Variants in OR8H2 observed in about 807,000 individuals in gnomAD.
OR8H2 encodes olfactory receptor family 8 subfamily H member 2.
For synonymous variants in OR8H2, 157 were observed against 139.2 expected (o/e 1.13, Z -0.90); for missense variants, 374 against 371.1 (o/e 1.01, Z -0.06).
rs1854054614 is a variant in OR8H2 at position 56,106,245 on chromosome 11, A to G, written c.*264A>G. The G allele has an allele frequency of 4.0e-6, 1 of 248,204 alleles. No homozygotes were observed. The highest frequency in any genetic ancestry group is 7.6e-6 in the Non-Finnish European group (1 of 131,208). 15.4% of individuals were successfully genotyped at this position (248,204 alleles called of 1,614,324 possible). On this transcript the variant is annotated 3_prime_UTR_variant, in exon 2 of 2. Transcript: ENST00000313503. ...TGAAGCAACTGATGTGGAAAATAAG[A>G]AAATATGGTTGTCATTTTTAATTAT...
chr11:56,104,858 GT>G lies in OR8H2; in HGVS notation c.-171-8del, dbSNP rs1225750169. The G allele has an allele frequency of 9.6e-6, 4 of 417,744 alleles. No homozygotes were observed. Among genetic ancestry groups the G allele is most frequent in the Non-Finnish European group, 1.7e-5 (4 of 238,988 alleles). 25.9% of individuals were successfully genotyped at this position (417,744 alleles called of 1,614,324 possible). On this transcript the variant is annotated splice_polypyrimidine_tract_variant and intron_variant, in intron 1 of 1. Coordinates refer to ENST00000313503, the MANE Select transcript of OR8H2 (RefSeq NM_001386064.1). ...GAAAGTTTTTTTTTGTTTGTTTTTT[GT>G]TTTTTGAGTCAGAGTCTGGCACAGT...
At position 56,106,051 on chromosome 11, in the gene OR8H2, C is replaced by A; in HGVS notation, c.*70C>A. 3 of 991,786 alleles carry A rather than the reference C, an allele frequency of 3.0e-6. No homozygotes were observed. The highest frequency in any genetic ancestry group is 1.7e-5 in the South Asian group (1 of 59,294). 61.4% of individuals were successfully genotyped at this position (991,786 alleles called of 1,614,324 possible). ...CATTCCTGTTGGGTATTTTCTTAGTCTCTCTATAAAAACAATTGAATCTTT... is the reference window on the plus strand; with the variant it reads ...CATTCCTGTTGGGTATTTTCTTAGTATCTCTATAAAAACAATTGAATCTTT... On this transcript the variant is annotated 3_prime_UTR_variant, in exon 2 of 2. Coordinates refer to ENST00000313503, the MANE Select transcript of OR8H2 (RefSeq NM_001386064.1).
rs1854059434 is a variant in OR8H2 at position 56,106,673 on chromosome 11, GT to G, written c.*694del. On this transcript the variant is annotated 3_prime_UTR_variant, in exon 2 of 2. Coordinates refer to ENST00000313503, the MANE Select transcript of OR8H2 (RefSeq NM_001386064.1). Reference sequence around the variant, plus strand: ...ACTTGTGTTTAACAAATTATTTTTGGTTAATTTAATTGACAGAACTAAAAAG... The same window carrying G: ...ACTTGTGTTTAACAAATTATTTTTGGTAATTTAATTGACAGAACTAAAAAG... 1 of 151,718 alleles carries G rather than the reference GT, an allele frequency of 6.6e-6. No homozygotes were observed. Among genetic ancestry groups the G allele is most frequent in the Admixed American group, 6.6e-5 (1 of 15,228 alleles). The allele number at this position is 151,718 out of a possible 1,614,324, so 9.4% of individuals were successfully genotyped here. A position where few individuals can be genotyped will look rare whatever the true frequency, so the allele number is the denominator to read the frequency against.
At position 56,104,858 on chromosome 11, in the gene OR8H2, G is replaced by A; in HGVS notation, c.-171-14G>A. On this transcript the variant is annotated splice_polypyrimidine_tract_variant and intron_variant, in intron 1 of 1. Transcript: ENST00000313503. ...GAAAGTTTTTTTTTGTTTGTTTTTT[G>A]TTTTTTGAGTCAGAGTCTGGCACAG... 2.4e-6 allele frequency: 1 copy of A among 417,034 alleles called. No individual in the cohort carries two copies. The highest frequency in any genetic ancestry group is 4.2e-6 in the Non-Finnish European group (1 of 238,664). 25.8% of individuals were successfully genotyped at this position (417,034 alleles called of 1,614,324 possible). A position where few individuals can be genotyped will look rare whatever the true frequency, so the allele number is the denominator to read the frequency against.
rs1854053605 is a variant in OR8H2 at position 56,106,182 on chromosome 11, A to C, written c.*201A>C. 1 of 437,108 alleles carries C rather than the reference A, an allele frequency of 2.3e-6. No individual in the cohort carries two copies. Among genetic ancestry groups the C allele is most frequent in the South Asian group, 4.2e-5 (1 of 23,878 alleles). 27.1% of individuals were successfully genotyped at this position (437,108 alleles called of 1,614,324 possible). ...AATCCAAATGGTAATTAGAAATCAT[A>C]ATATGTGTGTCATGTTTTCAGTCTA... is the stretch of plus-strand genomic sequence containing the variant. On this transcript the variant is annotated 3_prime_UTR_variant, in exon 2 of 2. Coordinates refer to ENST00000313503, the MANE Select transcript of OR8H2 (RefSeq NM_001386064.1).
chr11:56,104,533 CA>C (rs1172101492), intron 1 of OR8H2, among the ~76,000 whole-genome samples: 5 of 152,246 alleles, frequency 3.3e-5, no homozygotes, highest in Admixed American at 6.5e-5. Context: ...TAAGTTACTC[CA>C]ACCTTCCATA....
In OR8H2 at chr11:56,104,924, G is replaced by A. The variant is rs188355094; in HGVS notation, c.-119G>A. 3,535 of 886,266 alleles carry A rather than the reference G, an allele frequency of 4.0e-3. 13 individuals carry two copies. Among genetic ancestry groups the A allele is most frequent in the Non-Finnish European group, 5.5e-3 (3,120 of 566,138 alleles). 54.9% of individuals were successfully genotyped at this position (886,266 alleles called of 1,614,324 possible). Reference sequence around the variant, plus strand: ...TGCAATGGTGCGATCCCGGCTCACTGCAACCTCCGCCTCCCGCGTTCAAGC... The same window carrying A: ...TGCAATGGTGCGATCCCGGCTCACTACAACCTCCGCCTCCCGCGTTCAAGC... On this transcript the variant is annotated 5_prime_UTR_variant, in exon 2 of 2. Transcript: ENST00000313503.
At position 56,106,292 on chromosome 11, in the gene OR8H2, A is replaced by G. The variant is rs57330384; in HGVS notation, c.*311A>G. On this transcript the variant is annotated 3_prime_UTR_variant, in exon 2 of 2. Transcript: ENST00000313503. Reference sequence around the variant, plus strand: ...TTATATTATTCAAATTCTTATGTATACTTCAATTGTAGATAAATTTATTAT... The same window carrying G: ...TTATATTATTCAAATTCTTATGTATGCTTCAATTGTAGATAAATTTATTAT... The G allele has an allele frequency of 0.014, 2,403 of 177,228 alleles. 67 individuals carry two copies. Among genetic ancestry groups the G allele is most frequent in the African/African-American group, 0.054 (2,288 of 42,458 alleles). The allele number at this position is 177,228 out of a possible 1,614,324, so 11.0% of individuals were successfully genotyped here.
In OR8H2 at chr11:56,106,218, T is replaced by C; in HGVS notation, c.*237T>C. 6.6e-6 allele frequency: 2 copies of C among 303,196 alleles called. No homozygotes were observed. The highest frequency in any genetic ancestry group is 1.2e-5 in the Non-Finnish European group (2 of 166,374). 18.8% of individuals were successfully genotyped at this position (303,196 alleles called of 1,614,324 possible). On this transcript the variant is annotated 3_prime_UTR_variant, in exon 2 of 2. Coordinates refer to ENST00000313503, the MANE Select transcript of OR8H2 (RefSeq NM_001386064.1). ...CATGTTTTCAGTCTACATATATGTGTTTGAAGCAACTGATGTGGAAAATAA... is the reference window on the plus strand; with the variant it reads ...CATGTTTTCAGTCTACATATATGTGCTTGAAGCAACTGATGTGGAAAATAA...
Position 56,103,986 on chromosome 11 carries a change from CAGTA to C in OR8H2, c.-172+4_-172+7del, listed in dbSNP as rs759459266. The C allele has an allele frequency of 4.3e-4, 66 of 152,146 alleles. No individual in the cohort carries two copies. Among genetic ancestry groups the C allele is most frequent in the Non-Finnish European group, 7.1e-4 (48 of 67,990 alleles). 9.4% of individuals were successfully genotyped at this position (152,146 alleles called of 1,614,324 possible). A position where few individuals can be genotyped will look rare whatever the true frequency, so the allele number is the denominator to read the frequency against. On this transcript the variant is annotated splice_donor_variant and splice_donor_region_variant and 5_prime_UTR_variant and intron_variant, in exon 1 of 2. Coordinates refer to ENST00000313503, the MANE Select transcript of OR8H2 (RefSeq NM_001386064.1). LOFTEE classifies it low-confidence loss of function (5UTR_SPLICE). Reference sequence around the variant, plus strand: ...TTTTTAATGAATGTTGACTCACACACAGTAAGTATTATTCTCAAAATTGGAAGAT... The same window carrying C: ...TTTTTAATGAATGTTGACTCACACACAGTATTATTCTCAAAATTGGAAGAT...
rs140386955 is a variant in OR8H2, at chr11:56,105,311, A to G, written c.269A>G (p.Asn90Ser). The G allele has an allele frequency of 1.1e-3, 1,737 of 1,614,094 alleles. 21 individuals carry two copies. In the African/African-American group the frequency reaches 0.02, roughly 19 times the overall value. The part of the protein sequence containing the change: ...PKTLANLLTS[N>S]YISFTGCFAQ... ...ACCTTAGCGAACTTACTGACTTCCA[A>G]CTATATTTCCTTTACGGGCTGCTTT... The change falls in exon 2 of 2, where the codon AAC (asparagine) becomes AGC (serine). Residue 90 changes from asparagine (N) to serine (S), a missense_variant. Physicochemically the swap from Asn to Ser is conservative, Grantham distance 46 (BLOSUM62 1). Transcript: ENST00000313503.
At position 56,103,949 on chromosome 11, in the gene OR8H2, T is replaced by G. The variant is rs1854013285; in HGVS notation, c.-210T>G. 6.6e-6 allele frequency: 1 copy of G among 152,130 alleles called. No homozygotes were observed. Among genetic ancestry groups the G allele is most frequent in the Admixed American group, 6.6e-5 (1 of 15,262 alleles). 9.4% of individuals were successfully genotyped at this position (152,130 alleles called of 1,614,324 possible). A position where few individuals can be genotyped will look rare whatever the true frequency, so the allele number is the denominator to read the frequency against. ...TTGACAAATTTCCAGACAGATAATA[T>G]AAGAAGAAACCTTTTTAATGAATGT... is the stretch of plus-strand genomic sequence containing the variant. On this transcript the variant is annotated 5_prime_UTR_variant, in exon 1 of 2. Transcript: ENST00000313503.
rs1012405660 is a variant in OR8H2, at chr11:56,103,869, T to C, written c.-290T>C. On this transcript the variant is annotated 5_prime_UTR_variant, in exon 1 of 2. Transcript: ENST00000313503. ...AACTTATCTCAAGTAAAATAAATAT[T>C]ATAAAAAATTCATTTCCTCAGTTTT... 31 of 151,118 alleles carry C rather than the reference T, an allele frequency of 2.1e-4. No individual in the cohort carries two copies. The highest frequency in any genetic ancestry group is 4.2e-4 in the South Asian group (2 of 4,792). The allele number at this position is 151,118 out of a possible 1,614,324, so 9.4% of individuals were successfully genotyped here. A position where few individuals can be genotyped will look rare whatever the true frequency, so the allele number is the denominator to read the frequency against.
rs1390342057 is a variant in OR8H2 at position 56,106,823 on chromosome 11, T to C, written c.*842T>C. ...AAAATTTGAAAAATATTACAAAATA[T>C]TGAAGAAAATAGAAATCCTCTACAA... On this transcript the variant is annotated 3_prime_UTR_variant, in exon 2 of 2. Coordinates refer to ENST00000313503, the MANE Select transcript of OR8H2 (RefSeq NM_001386064.1). 1 of 152,020 alleles carries C rather than the reference T, an allele frequency of 6.6e-6. No homozygotes were observed. Among genetic ancestry groups the C allele is most frequent in the African/African-American group, 2.4e-5 (1 of 41,430 alleles). 9.4% of individuals were successfully genotyped at this position (152,020 alleles called of 1,614,324 possible). A position where few individuals can be genotyped will look rare whatever the true frequency, so the allele number is the denominator to read the frequency against.
rs1182621770 is a variant in OR8H2, at chr11:56,106,968, A to G, written c.*987A>G. ...TTGAGTTTTGTGCATGTTCTTCTAG[A>G]TCAATAGTTTCAAATATGTGCATGT... On this transcript the variant is annotated 3_prime_UTR_variant, in exon 2 of 2. Transcript: ENST00000313503. 6.6e-6 allele frequency: 1 copy of G among 151,950 alleles called. No individual in the cohort carries two copies. Among genetic ancestry groups the G allele is most frequent in the Non-Finnish European group, 1.5e-5 (1 of 67,828 alleles). The allele number at this position is 151,950 out of a possible 1,614,324, so 9.4% of individuals were successfully genotyped here. A position where few individuals can be genotyped will look rare whatever the true frequency, so the allele number is the denominator to read the frequency against.
Position 56,107,135 on chromosome 11 carries a change from T to G in OR8H2, c.*1154T>G, listed in dbSNP as rs992149041. On this transcript the variant is annotated 3_prime_UTR_variant, in exon 2 of 2. Coordinates refer to ENST00000313503, the MANE Select transcript of OR8H2 (RefSeq NM_001386064.1). ...TACATGGACAAAATCAAGACTCACTTCACAATGTTTTGGACTTGAAATATA... is the reference window on the plus strand; with the variant it reads ...TACATGGACAAAATCAAGACTCACTGCACAATGTTTTGGACTTGAAATATA... 2 of 151,954 alleles carry G rather than the reference T, an allele frequency of 1.3e-5. No individual in the cohort carries two copies. The highest frequency in any genetic ancestry group is 1.3e-4 in the Admixed American group (2 of 15,256). The allele number at this position is 151,954 out of a possible 1,614,324, so 9.4% of individuals were successfully genotyped here.
rs7936197 is a variant in OR8H2 at position 56,106,426 on chromosome 11, C to T, written c.*445C>T. 0.06 allele frequency: 9,150 copies of T among 152,888 alleles called. 376 individuals are homozygous for T. Among genetic ancestry groups the T allele is most frequent in the Non-Finnish European group, 0.084 (5,776 of 68,564 alleles). The allele number at this position is 152,888 out of a possible 1,614,324, so 9.5% of individuals were successfully genotyped here. On this transcript the variant is annotated 3_prime_UTR_variant, in exon 2 of 2. Coordinates refer to ENST00000313503, the MANE Select transcript of OR8H2 (RefSeq NM_001386064.1). ...TAGGAGTACCTATTTTGGAATAAAA[C>T]TTCCCAAGAATTAGATTCTAAATAT...
rs1407084662 is a variant in OR8H2, at chr11:56,107,256, G to C, written c.*1275G>C. ...TGTAATGTGTCAAATGTGTCAAATT[G>C]CTTCTTTGTTAAAATCCTGTGTGTT... On this transcript the variant is annotated 3_prime_UTR_variant, in exon 2 of 2. Coordinates refer to ENST00000313503, the MANE Select transcript of OR8H2 (RefSeq NM_001386064.1). 1 of 151,888 alleles carries C rather than the reference G, an allele frequency of 6.6e-6. No homozygotes were observed. Among genetic ancestry groups the C allele is most frequent in the East Asian group, 1.9e-4 (1 of 5,192 alleles). The allele number at this position is 151,888 out of a possible 1,614,324, so 9.4% of individuals were successfully genotyped here.
rs1449754948 is a variant in OR8H2 at position 56,106,584 on chromosome 11, T to G, written c.*603T>G. ...GTAGAGTATTTAAAGCAATAATAAT[T>G]AATGCTTCCCATTATCATTAGAAGA... On this transcript the variant is annotated 3_prime_UTR_variant, in exon 2 of 2. Coordinates refer to ENST00000313503, the MANE Select transcript of OR8H2 (RefSeq NM_001386064.1). 6.6e-6 allele frequency: 1 copy of G among 152,068 alleles called. No individual in the cohort carries two copies. The highest frequency in any genetic ancestry group is 2.4e-5 in the African/African-American group (1 of 41,430). 9.4% of individuals were successfully genotyped at this position (152,068 alleles called of 1,614,324 possible). A position where few individuals can be genotyped will look rare whatever the true frequency, so the allele number is the denominator to read the frequency against.
Sources: allele counts gnomAD v4.1 joint callset (sites outside exome capture counted in the v4.1 genomes callset), GRCh38; gene constraint gnomAD v4.1.1; transcripts MANE v1.5; gene names NCBI Gene and HGNC (gene_info 2026-07-23, HGNC 2026-07-21).